Variants in FOXN2 observed in about 807,000 individuals in gnomAD.
The protein encoded by FOXN2 is forkhead box protein N2.
Under a neutral mutation model 41.2 loss-of-function variants are expected in FOXN2, and 19 were observed. The ratio of observed to expected loss-of-function variants is 0.46; its 90% confidence interval spans 0.32 to 0.68. The LOEUF (loss-of-function observed/expected upper bound fraction) is 0.68. Ranked by LOEUF, FOXN2 falls within the 30% of genes least tolerant of loss-of-function variation. The pLI, the probability that FOXN2 is intolerant of heterozygous loss-of-function variation, is 0.03. For missense variants in FOXN2, 587 were observed against 509.4 expected (o/e 1.15, Z -1.47); for synonymous variants, 195 against 176.8 (o/e 1.10, Z -0.82).
At position 48,346,570 on chromosome 2, in the gene FOXN2, T is replaced by C. The variant is rs1333283126; in HGVS notation, c.356T>C (p.Leu119Pro). 1 of 1,613,492 alleles carries C rather than the reference T, an allele frequency of 6.2e-7. No individual in the cohort carries two copies. The highest frequency in any genetic ancestry group is 1.3e-5 in the African/African-American group (1 of 74,882). The change falls in exon 3 of 7, where the codon CTT becomes CCT. Residue 119 changes from leucine (L) to proline (P), a missense_variant. Coordinates refer to ENST00000340553, the MANE Select transcript of FOXN2 (RefSeq NM_002158.4). ...TCAAAGCCCCCATACTCCTTTAGTC[T>C]TCTCATTTATATGGCCATTGAGCAC... ...ATSKPPYSFS[L>P]LIYMAIEHSP...
chr2:48,336,774 G>T (rs920139578), intron 2 of FOXN2, among the ~76,000 whole-genome samples: 1 of 151,900 alleles, frequency 6.6e-6, no homozygotes, highest in South Asian at 2.1e-4. Context: ...GGAAAATGTT[G>T]AAAGTAAAAT....
chr2:48,329,598 G>C (rs1669903105), intron 2 of FOXN2, among the ~76,000 whole-genome samples: 1 of 152,154 alleles, frequency 6.6e-6, no homozygotes, highest in Non-Finnish European at 1.5e-5. Context: ...CTGTGACCAA[G>C]AGGCAGTTTT....
intron 3 of FOXN2, among the ~76,000 whole-genome samples, chr2:48,347,290 G>A (rs111725400): frequency 0.075 from 10,871 of 145,402 alleles, 568 homozygotes; most frequent in Non-Finnish European, 0.11. Flanking sequence ...ACAGTGGCGC[G>A]ATCTCTGCTC....
In FOXN2 at chr2:48,317,595, CTTTTTTTTTTTTTTTT is replaced by C. The variant is rs574980247; in HGVS notation, c.-157+2796_-157+2811del. 1.4e-4 allele frequency among the ~76,000 whole-genome samples: 5 copies of C among 34,746 alleles called. No homozygotes were observed. The East Asian group carries it at 3.9e-3, about 27-fold the overall frequency. The allele number at this position is 34,746 out of a possible 152,430, so 22.8% of individuals were successfully genotyped here. On this transcript the variant is annotated intron_variant, in intron 1 of 6. Coordinates refer to ENST00000340553, the MANE Select transcript of FOXN2 (RefSeq NM_002158.4). The stretch of plus-strand genomic sequence containing the variant: ...ACAATGCCTATAGCCTATAGTATTG[CTTTTTTTTTTTTTTTT>C]TTTTTTTTTTTTTTGGTGGAGTCTG...
At chr2:48,324,972 A>T (rs1204718033) in intron 1 of FOXN2, among the ~76,000 whole-genome samples, 1 of 152,216 alleles carries the variant, frequency 6.6e-6, no homozygotes, top group Non-Finnish European at 1.5e-5. Flanking sequence ...AAGGTAGACA[A>T]TCCAGTTGTT....
intron 1 of FOXN2, among the ~76,000 whole-genome samples, chr2:48,317,594 G>GTTTTT (rs1669005674): frequency 2.0e-5 from 1 of 49,544 alleles, no homozygotes. Flanking sequence ...CTATAGTATT[G>GTTTTT]CTTTTTTTTT....
At chr2:48,325,392 T>A (rs1405198107) in intron 1 of FOXN2, among the ~76,000 whole-genome samples, 2 of 152,200 alleles carry the variant, frequency 1.3e-5, no homozygotes, top group Non-Finnish European at 2.9e-5. Context: ...ATGAAAGTAC[T>A]AGCTCTTTCA....
At position 48,324,614 on chromosome 2, in the gene FOXN2, A is replaced by C. The variant is rs187880873; in HGVS notation, c.-156-3947A>C. On this transcript the variant is annotated intron_variant, in intron 1 of 6. Coordinates refer to ENST00000340553, the MANE Select transcript of FOXN2 (RefSeq NM_002158.4). Reference sequence around the variant, plus strand: ...AATTTTCCCTTTGTACTTCTATTCAAATTGGCAGCAAGTTAGAGCCAGGTT... The same window carrying C: ...AATTTTCCCTTTGTACTTCTATTCACATTGGCAGCAAGTTAGAGCCAGGTT... 3.8e-3 allele frequency among the ~76,000 whole-genome samples: 582 copies of C among 152,220 alleles called. 4 individuals carry two copies. Among genetic ancestry groups the C allele is most frequent in the Non-Finnish European group, 6.9e-3 (470 of 68,006 alleles).
In FOXN2 at chr2:48,360,988, T is replaced by C. The variant is rs7561573; in HGVS notation, c.639-1655T>C. ...AAGATGGTGCTACTGCACTCCAGCC[T>C]GGGTGACAGACTGAGACCCCATCTC... On this transcript the variant is annotated intron_variant, in intron 4 of 6. Transcript: ENST00000340553. Among the ~76,000 whole-genome samples the C allele has an allele frequency of 3.8e-3, 575 of 149,522 alleles. 6 individuals carry two copies. The highest frequency in any genetic ancestry group is 0.013 in the African/African-American group (541 of 40,602).
intron 3 of FOXN2, among the ~76,000 whole-genome samples, chr2:48,353,747 T>G (rs1301094332): frequency 6.6e-6 from 1 of 152,172 alleles, no homozygotes; most frequent in Non-Finnish European, 1.5e-5. Flanking sequence ...ACTGCTACAG[T>G]GAAAATCATC....
chr2:48,318,548 C>T (rs1278477960), intron 1 of FOXN2, among the ~76,000 whole-genome samples: 1 of 152,184 alleles, frequency 6.6e-6, no homozygotes, highest in Non-Finnish European at 1.5e-5. Flanking sequence ...GTTTCGCCCA[C>T]TTTCCTGCCT....
intron 6 of FOXN2, 123 bp downstream of exon 6, chr2:48,373,483 T>C (rs1400361826): frequency 1.7e-6 from 1 of 592,332 alleles, no homozygotes; most frequent in African/African-American, 2.0e-5. Flanking sequence ...TTGATCTGAG[T>C]AACTCAGTTT....
At chr2:48,335,016 A>G (rs1670242370) in intron 2 of FOXN2, among the ~76,000 whole-genome samples, 1 of 152,200 alleles carries the variant, frequency 6.6e-6, no homozygotes, top group South Asian at 2.1e-4. Context: ...AGGGCCTGAT[A>G]AAACCTAACA....
At chr2:48,334,752 C>T (rs1391811465) in intron 2 of FOXN2, among the ~76,000 whole-genome samples, 3 of 152,136 alleles carry the variant, frequency 2.0e-5, no homozygotes, top group East Asian at 1.9e-4. Flanking sequence ...CAAGATGGAG[C>T]ATTTAGCAGG....
chr2:48,324,401 C>A (rs1412491754), intron 1 of FOXN2, among the ~76,000 whole-genome samples: 1 of 152,084 alleles, frequency 6.6e-6, no homozygotes, highest in Non-Finnish European at 1.5e-5. Flanking sequence ...GCCATTTTGG[C>A]CAGGCAGGTC....
intron 2 of FOXN2, among the ~76,000 whole-genome samples, chr2:48,341,639 G>A (rs1670781380): frequency 6.6e-6 from 1 of 152,218 alleles, no homozygotes; most frequent in African/African-American, 2.4e-5. Context: ...GATTTGGAAA[G>A]AAGAGCTCAT....
At chr2:48,347,057 GATA>G (rs1671152289) in intron 3 of FOXN2, among the ~76,000 whole-genome samples, 1 of 151,926 alleles carries the variant, frequency 6.6e-6, no homozygotes, top group Non-Finnish European at 1.5e-5. Flanking sequence ...TATTCAATAT[GATA>G]ATCTCTGCCT....
At chr2:48,316,235 T>C (rs1279737574) in intron 1 of FOXN2, among the ~76,000 whole-genome samples, 1 of 152,194 alleles carries the variant, frequency 6.6e-6, no homozygotes. Flanking sequence ...TACCGACGTT[T>C]TTTGCCGTTC....
At chr2:48,320,692 G>T (rs1354933324) in intron 1 of FOXN2, among the ~76,000 whole-genome samples, 1 of 151,946 alleles carries the variant, frequency 6.6e-6, no homozygotes, top group Non-Finnish European at 1.5e-5. Context: ...AAATCTCTCA[G>T]ACTTGAAAAA....
Sources: gnomAD v4.1 joint callset for allele counts (sites outside exome capture counted in the v4.1 genomes callset) on GRCh38, gnomAD v4.1.1 for gene constraint, MANE v1.5 for transcripts, NCBI Gene and HGNC (gene_info 2026-07-23, HGNC 2026-07-21) for gene names.